ZFP2: variants seen among roughly 807,000 people sequenced by gnomAD.
ZFP2 encodes ZFP2 zinc finger protein.
Under a neutral mutation model 36.1 loss-of-function variants are expected in ZFP2, and 33 were observed. The observed-to-expected ratio is 0.92, with a 90% confidence interval of 0.69 to 1.22. The LOEUF is 1.22. Among genes scored for constraint, ZFP2 ranks in the 50% most tolerant of loss-of-function variants. ZFP2 has a pLI of 0.00. For synonymous variants in ZFP2, 170 were observed against 178.0 expected (o/e 0.96, Z 0.36); for missense variants, 522 against 551.4 (o/e 0.95, Z 0.53).
intron 4 of ZFP2, among the ~76,000 whole-genome samples, chr5:178,919,838 G>A (rs1390604920): frequency 6.6e-6 from 1 of 152,070 alleles, no homozygotes; most frequent in South Asian, 2.1e-4. Context: ...GTGCATGCCT[G>A]TAGTCCCAGC....
chr5:178,903,082 C>T (rs909767353), intron 1 of ZFP2, among the ~76,000 whole-genome samples: 1 of 152,110 alleles, frequency 6.6e-6, no homozygotes, highest in African/African-American at 2.4e-5. Context: ...TGGAACTGTA[C>T]AGTAGATGAG....
At chr5:178,902,047 A>G (rs541130117) in intron 1 of ZFP2, among the ~76,000 whole-genome samples, 5 of 152,314 alleles carry the variant, frequency 3.3e-5, no homozygotes, top group African/African-American at 1.2e-4. Context: ...AGGTGGGAGA[A>G]TCGTTGGAAC....
At chr5:178,907,568 C>A (rs1480761115) in intron 1 of ZFP2, among the ~76,000 whole-genome samples, 1 of 151,614 alleles carries the variant, frequency 6.6e-6, no homozygotes, top group African/African-American at 2.4e-5. Flanking sequence ...ACAATTCAGG[C>A]CCACTCCAGG....
intron 1 of ZFP2, among the ~76,000 whole-genome samples, chr5:178,904,915 C>G (rs1432313402): frequency 1.3e-5 from 2 of 151,922 alleles, no homozygotes; most frequent in Non-Finnish European, 2.9e-5. Context: ...TGCTGGCAGG[C>G]TGGTCTCGAA....
At chr5:178,911,643 A>C (rs112721805) in intron 1 of ZFP2, among the ~76,000 whole-genome samples, 2,227 of 152,308 alleles carry the variant, frequency 0.015, 61 homozygotes, top group African/African-American at 0.05. Context: ...AAAGTTACAC[A>C]TGGATTTTAG....
chr5:178,912,097 C>T (rs1758309260), intron 1 of ZFP2, among the ~76,000 whole-genome samples: 1 of 152,186 alleles, frequency 6.6e-6, no homozygotes, highest in Admixed American at 6.5e-5. Flanking sequence ...CGTGCCACTG[C>T]ACTCCAGCCT....
At chr5:178,917,289 T>G (rs1210975493) in intron 4 of ZFP2, among the ~76,000 whole-genome samples, 1 of 152,158 alleles carries the variant, frequency 6.6e-6, no homozygotes, top group Non-Finnish European at 1.5e-5. Flanking sequence ...TCCCTAAACA[T>G]AGGAGCCTGC....
At chr5:178,900,408 G>A (rs1213559625) in intron 1 of ZFP2, among the ~76,000 whole-genome samples, 1 of 78,602 alleles carries the variant, frequency 1.3e-5, no homozygotes, top group East Asian at 3.6e-4. Context: ...CAGTGTCCTC[G>A]TGCCACTTCT....
chr5:178,921,339 G>A (rs1200960415), intron 4 of ZFP2, among the ~76,000 whole-genome samples: 2 of 152,102 alleles, frequency 1.3e-5, no homozygotes, highest in African/African-American at 2.4e-5. Context: ...TAGTTGCCCC[G>A]CTCTGCTGTG....
At chr5:178,921,449 C>T (rs1177715543) in intron 4 of ZFP2, among the ~76,000 whole-genome samples, 2 of 149,982 alleles carry the variant, frequency 1.3e-5, no homozygotes, top group Non-Finnish European at 3.0e-5. Context: ...CCACAGATCC[C>T]TTGCTTGGGG....
chr5:178,931,270 C>T lies in ZFP2; in HGVS notation c.-44C>T, dbSNP rs1449873955. Reference sequence around the variant, plus strand: ...ACAAGACTTGAAACCAAAGAGCCAACTCCGAAGCCGGGTATTACTGAAGAT... The same window carrying T: ...ACAAGACTTGAAACCAAAGAGCCAATTCCGAAGCCGGGTATTACTGAAGAT... On this transcript the variant is annotated 5_prime_UTR_variant, in exon 5 of 5. Transcript: ENST00000361362. 2 of 1,523,000 alleles carry T rather than the reference C, an allele frequency of 1.3e-6. No individual in the cohort carries two copies. The highest frequency in any genetic ancestry group is 1.3e-5 in the South Asian group (1 of 74,948). The allele number at this position is 1,523,000 out of a possible 1,614,324, so 94.3% of individuals were successfully genotyped here. A position where few individuals can be genotyped will look rare whatever the true frequency, so the allele number is the denominator to read the frequency against.
intron 1 of ZFP2, among the ~76,000 whole-genome samples, chr5:178,911,984 A>G (rs924681261): frequency 6.6e-6 from 1 of 152,078 alleles, no homozygotes; most frequent in Admixed American, 6.5e-5. Context: ...AAAATTACAA[A>G]AATTAGCCAG....
At position 178,913,072 on chromosome 5, in the gene ZFP2, G is replaced by GT; in HGVS notation, c.-224+2dup. On this transcript the variant is annotated splice_donor_variant, in intron 3 of 4. Coordinates refer to ENST00000361362, the MANE Select transcript of ZFP2 (RefSeq NM_030613.4). LOFTEE classifies it low-confidence loss of function (5UTR_SPLICE). ...GAACCGCCTGAGGGTGGCTTTCGAGGTAAGTGCCAGGCTGTGCAGACTTGT... is the reference window on the plus strand; with the variant it reads ...GAACCGCCTGAGGGTGGCTTTCGAGGTTAAGTGCCAGGCTGTGCAGACTTGT... 11 of 985,770 alleles carry GT rather than the reference G, an allele frequency of 1.1e-5. No homozygotes were observed. The highest frequency in any genetic ancestry group is 1.2e-5 in the Non-Finnish European group (10 of 829,852). 61.1% of individuals were successfully genotyped at this position (985,770 alleles called of 1,614,324 possible).
chr5:178,910,195 A>C, intron 1 of ZFP2: 1 of 1,572,550 alleles, frequency 6.4e-7, no homozygotes, highest in Admixed American at 1.7e-5. Flanking sequence ...TTTCTGGTGA[A>C]TTTGCACATG....
rs933317457 is a variant in ZFP2, at chr5:178,925,038, G to A, written c.-77-6199G>A. On this transcript the variant is annotated intron_variant, in intron 4 of 4. Coordinates refer to ENST00000361362, the MANE Select transcript of ZFP2 (RefSeq NM_030613.4). ...CTCCTTTCCCTCTCTTTATACTATT[G>A]CCATTTATCATTGAATCTCTAAACA... Among the ~76,000 whole-genome samples the A allele has an allele frequency of 7.6e-5, 11 of 144,452 alleles. 2 individuals carry two copies. The highest frequency in any genetic ancestry group is 1.7e-4 in the Non-Finnish European group (11 of 65,072). The allele number at this position is 144,452 out of a possible 152,430, so 94.8% of individuals were successfully genotyped here.
intron 4 of ZFP2, among the ~76,000 whole-genome samples, chr5:178,919,657 C>T (rs1248877594): frequency 6.6e-6 from 1 of 152,092 alleles, no homozygotes; most frequent in Non-Finnish European, 1.5e-5. Flanking sequence ...TTTTTTACTT[C>T]CATTTTTAGA....
rs1758610832 is a variant in ZFP2 at position 178,923,855 on chromosome 5, A to C, written c.-78+7145A>C. ...ACTATTAAGTTTTCTGTAGTACAAA[A>C]ATATGTTTGAACTTAAAATGATTAA... On this transcript the variant is annotated intron_variant, in intron 4 of 4. Transcript: ENST00000361362. Among the ~76,000 whole-genome samples the C allele has an allele frequency of 1.3e-5, 2 of 149,318 alleles. 1 individual carries two copies. Among genetic ancestry groups the C allele is most frequent in the Non-Finnish European group, 3.0e-5 (2 of 66,560 alleles).
At position 178,931,964 on chromosome 5, in the gene ZFP2, T is replaced by C. The variant is rs1758857633; in HGVS notation, c.651T>C (p.Asn217=). 1 of 1,613,770 alleles carries C rather than the reference T, an allele frequency of 6.2e-7. No homozygotes were observed. Among genetic ancestry groups the C allele is most frequent in the East Asian group, 2.2e-5 (1 of 44,854 alleles). Reference sequence around the variant, plus strand: ...CTGGAGAGAAACCCTACAAATGTAATGAATGTGGTAAAGCTTTTACCCAAA... The same window carrying C: ...CTGGAGAGAAACCCTACAAATGTAACGAATGTGGTAAAGCTTTTACCCAAA... ...IHTGEKPYKC[N]ECGKAFTQSM... The change falls in exon 5 of 5, where the codon AAT becomes AAC. Residue 217 remains asparagine (N), a synonymous_variant. Transcript: ENST00000361362.
intron 1 of ZFP2, among the ~76,000 whole-genome samples, chr5:178,899,942 A>G (rs1264314141): frequency 6.6e-6 from 1 of 152,216 alleles, no homozygotes; most frequent in African/African-American, 2.4e-5. Flanking sequence ...GGAGGCAAGT[A>G]TAAACTGTTG....
Sources: allele counts gnomAD v4.1 joint callset (sites outside exome capture counted in the v4.1 genomes callset), GRCh38; gene constraint gnomAD v4.1.1; transcripts MANE v1.5; gene names NCBI Gene and HGNC (gene_info 2026-07-23, HGNC 2026-07-21).